The following CCSER1 variants were observed in gnomAD, a reference collection of about 807,000 sequenced individuals.
The protein encoded by CCSER1 is coiled-coil serine rich protein 1, also known as serine-rich coiled-coil domain-containing protein 1.
In CCSER1, 41 loss-of-function variants were observed where a neutral mutation model predicts 82.0. That is an observed-to-expected ratio of 0.50 (90% CI 0.39 to 0.65). CCSER1 has a LOEUF of 0.65. Ranked by LOEUF, CCSER1 falls within the 30% of genes least tolerant of loss-of-function variation. CCSER1 has a pLI of 0.00. For missense variants in CCSER1, 1,119 were observed against 1,064.2 expected (o/e 1.05, Z -0.72); for synonymous variants, 414 against 383.9 (o/e 1.08, Z -0.92).
chr4:91,546,784 C>T (rs6840075), intron 10 of CCSER1, among the ~76,000 whole-genome samples: 104,817 of 151,642 alleles, frequency 0.69, 37,048 homozygotes, highest in African/African-American at 0.85. Context: ...TTTAATTTGC[C>T]CTTCTTTTTC....
chr4:90,799,418 G>A (rs1756485712), intron 7 of CCSER1, among the ~76,000 whole-genome samples: 1 of 152,184 alleles, frequency 6.6e-6, no homozygotes, highest in South Asian at 2.1e-4. Context: ...GCCAAGTGAT[G>A]TGGGACCCTG....
intron 9 of CCSER1, among the ~76,000 whole-genome samples, chr4:90,956,316 A>T (rs1274885861): frequency 2.6e-5 from 4 of 152,190 alleles, no homozygotes; most frequent in Non-Finnish European, 5.9e-5. Flanking sequence ...CAACTTACTT[A>T]ACTTGCAAAT....
Position 90,193,497 on chromosome 4 carries a change from GATA to G in CCSER1, c.-42+65673_-42+65675del, listed in dbSNP as rs759544410. ...TACATTGGGTTGTTTTATAGATTAA[GATA>G]ATAATAGAAACAACTTGGGAAACTG... is the stretch of plus-strand genomic sequence containing the variant. On this transcript the variant is annotated intron_variant, in intron 1 of 10. Transcript: ENST00000509176. Among the ~76,000 whole-genome samples, 155 of 151,972 alleles carry G rather than the reference GATA, an allele frequency of 1.0e-3. 1 individual carries two copies. The Middle Eastern group carries it at 0.017, about 17-fold the overall frequency.
At chr4:90,766,612 G>A (rs1484919358) in intron 7 of CCSER1, among the ~76,000 whole-genome samples, 1 of 151,922 alleles carries the variant, frequency 6.6e-6, no homozygotes, top group African/African-American at 2.4e-5. Context: ...CCACTGCTGG[G>A]TGACAAAGCA....
chr4:90,759,168 T>G (rs1457234875), intron 7 of CCSER1, among the ~76,000 whole-genome samples: 1 of 152,204 alleles, frequency 6.6e-6, no homozygotes, highest in Admixed American at 6.5e-5. Context: ...GATATCTTTC[T>G]TTTATGTTAA....
chr4:90,402,955 C>G (rs1482930483), intron 4 of CCSER1, among the ~76,000 whole-genome samples: 1 of 152,136 alleles, frequency 6.6e-6, no homozygotes, highest in Admixed American at 6.5e-5. Flanking sequence ...ATAAATTGTT[C>G]ACAAGATAAA....
chr4:90,908,177 A>G, intron 8 of CCSER1, among the ~76,000 whole-genome samples: 1 of 152,204 alleles, frequency 6.6e-6, no homozygotes, highest in East Asian at 1.9e-4. Flanking sequence ...AATGACATTT[A>G]GCAAAAAAGA....
chr4:90,320,341 CTTA>C (rs1469270548), intron 3 of CCSER1, among the ~76,000 whole-genome samples: 1 of 152,176 alleles, frequency 6.6e-6, no homozygotes, highest in Admixed American at 6.5e-5. Context: ...GACATTTTAA[CTTA>C]TTATTCAAAT....
chr4:91,458,915 T>A (rs1462158669), intron 10 of CCSER1, among the ~76,000 whole-genome samples: 2 of 152,278 alleles, frequency 1.3e-5, no homozygotes, highest in East Asian at 3.9e-4. Flanking sequence ...TAAAAATATA[T>A]GACCTCCTCT....
At chr4:90,259,111 G>A (rs1723869309) in intron 1 of CCSER1, among the ~76,000 whole-genome samples, 1 of 152,148 alleles carries the variant, frequency 6.6e-6, no homozygotes, top group African/African-American at 2.4e-5. Context: ...TCCTATCTAT[G>A]AGCATGGGAT....
intron 10 of CCSER1, among the ~76,000 whole-genome samples, chr4:91,517,378 G>C (rs1257432572): frequency 6.6e-6 from 1 of 152,100 alleles, no homozygotes; most frequent in Non-Finnish European, 1.5e-5. Flanking sequence ...TCAATGCCTA[G>C]TCATTTGAGA....
At position 91,413,505 on chromosome 4, in the gene CCSER1, C is replaced by A. The variant is rs577625075; in HGVS notation, c.2218-185067C>A. On this transcript the variant is annotated intron_variant, in intron 10 of 10. Transcript: ENST00000509176. ...CCAATCAGAACAAGAACAACAACAA[C>A]AAAAAAAAACAAAAAGAATGAAAAA... Among the ~76,000 whole-genome samples the A allele has an allele frequency of 2.8e-3, 404 of 144,874 alleles. 2 individuals are homozygous for A. Among genetic ancestry groups the A allele is most frequent in the South Asian group, 0.011 (49 of 4,558 alleles).
chr4:90,990,065 T>G (rs2150444310), intron 9 of CCSER1, among the ~76,000 whole-genome samples: 1 of 151,968 alleles, frequency 6.6e-6, no homozygotes, highest in Non-Finnish European at 1.5e-5. Flanking sequence ...TTGTGTGACA[T>G]TATGAAGTGG....
chr4:90,932,982 G>GAGAAAGAAAGAAAGAA lies in CCSER1; in HGVS notation c.2172+9583_2172+9598dup, dbSNP rs765197842. Among the ~76,000 whole-genome samples the GAGAAAGAAAGAAAGAA allele has an allele frequency of 1.7e-3, 32 of 18,868 alleles. 1 individual carries two copies. The highest frequency in any genetic ancestry group is 7.4e-3 in the East Asian group (8 of 1,086). The allele number at this position is 18,868 out of a possible 152,430, so 12.4% of individuals were successfully genotyped here. A position where few individuals can be genotyped will look rare whatever the true frequency, so the allele number is the denominator to read the frequency against. On this transcript the variant is annotated intron_variant, in intron 9 of 10. Transcript: ENST00000509176. The stretch of plus-strand genomic sequence containing the variant: ...AGAAAGAAAGAAAGAAAGAAAGAAA[G>GAGAAAGAAAGAAAGAA]AGAAAGAAAGAAAGAAAGAAAGAAA...
chr4:91,297,505 A>G (rs1460444047), intron 10 of CCSER1, among the ~76,000 whole-genome samples: 2 of 151,580 alleles, frequency 1.3e-5, no homozygotes, highest in Admixed American at 6.6e-5. Flanking sequence ...ATATGAAGTA[A>G]AAGATTTAGA....
At chr4:91,572,976 C>T (rs751003717) in intron 10 of CCSER1, among the ~76,000 whole-genome samples, 23 of 152,100 alleles carry the variant, frequency 1.5e-4, no homozygotes, top group Non-Finnish European at 2.6e-4. Context: ...CCTCTGGGAG[C>T]TCCATCTCAG....
chr4:91,505,387 T>A (rs576532140), intron 10 of CCSER1, among the ~76,000 whole-genome samples: 6 of 152,358 alleles, frequency 3.9e-5, no homozygotes, highest in African/African-American at 1.4e-4. Context: ...CTAATGTGAA[T>A]AGTGCTGCAA....
intron 5 of CCSER1, among the ~76,000 whole-genome samples, chr4:90,598,014 A>G (rs578029010): frequency 7.2e-5 from 11 of 152,096 alleles, no homozygotes; most frequent in South Asian, 2.1e-4. Context: ...TTGTATATAT[A>G]TCACATTTTC....
chr4:91,532,029 T>C (rs1251563018), intron 10 of CCSER1, among the ~76,000 whole-genome samples: 5 of 152,162 alleles, frequency 3.3e-5, no homozygotes, highest in Admixed American at 3.3e-4. Flanking sequence ...CAATGACATA[T>C]TATAGCCAAT....
Sources: gnomAD v4.1 joint callset for allele counts (sites outside exome capture counted in the v4.1 genomes callset) on GRCh38, gnomAD v4.1.1 for gene constraint, MANE v1.5 for transcripts, NCBI Gene and HGNC (gene_info 2026-07-23, HGNC 2026-07-21) for gene names.